Variants in WWC1 observed in about 807,000 individuals in gnomAD.
The protein encoded by WWC1 is WW and C2 domain containing 1.
WWC1 carries 55 observed loss-of-function variants against 138.4 expected under a neutral mutation model. The ratio of observed to expected loss-of-function variants is 0.40; its 90% confidence interval spans 0.32 to 0.50. The LOEUF (loss-of-function observed/expected upper bound fraction) is 0.50, where lower values mean the gene tolerates loss of function less well. Among genes scored for constraint, WWC1 ranks in the 20% least tolerant of loss-of-function variants. WWC1 has a pLI of 0.72. For synonymous variants in WWC1, 524 were observed against 564.9 expected (o/e 0.93, Z 1.03); for missense variants, 1,226 against 1,420.4 (o/e 0.86, Z 2.20).
At chr5:168,319,162 C>G (rs1023884971) in intron 1 of WWC1, among the ~76,000 whole-genome samples, 5 of 152,082 alleles carry the variant, frequency 3.3e-5, no homozygotes, top group South Asian at 2.1e-4. Context: ...GCTCACGCCT[C>G]TAATCCCAGC....
intron 1 of WWC1, among the ~76,000 whole-genome samples, chr5:168,361,524 C>T (rs190102496): frequency 6.6e-6 from 1 of 152,278 alleles, no homozygotes; most frequent in East Asian, 1.9e-4. Context: ...AAAATGCTAT[C>T]AATACCTATT....
At chr5:168,383,177 A>G (rs1248410431) in intron 2 of WWC1, among the ~76,000 whole-genome samples, 1 of 143,050 alleles carries the variant, frequency 7.0e-6, no homozygotes. Context: ...ACTCCATCTC[A>G]AAAACAAAAA....
At chr5:168,369,048 G>T (rs1455081887) in intron 1 of WWC1, among the ~76,000 whole-genome samples, 1 of 152,208 alleles carries the variant, frequency 6.6e-6, no homozygotes, top group African/African-American at 2.4e-5. Flanking sequence ...CAGCTTTCAA[G>T]ATAATCTGGT....
intron 1 of WWC1, among the ~76,000 whole-genome samples, chr5:168,341,191 T>C (rs1225903117): frequency 6.6e-6 from 1 of 152,074 alleles, no homozygotes; most frequent in African/African-American, 2.4e-5. Context: ...TTCTGGCAGG[T>C]AGACCAATGG....
intron 2 of WWC1, among the ~76,000 whole-genome samples, chr5:168,374,183 G>A (rs1379873982): frequency 6.6e-6 from 1 of 152,150 alleles, no homozygotes; most frequent in African/African-American, 2.4e-5. Flanking sequence ...GCGATACATG[G>A]GAGTACAAAA....
At chr5:168,419,624 A>G (rs1343768172) in intron 9 of WWC1, among the ~76,000 whole-genome samples, 1 of 152,126 alleles carries the variant, frequency 6.6e-6, no homozygotes, top group East Asian at 1.9e-4. Flanking sequence ...TTCAATAAGC[A>G]CTCTCCGCTT....
chr5:168,448,481 G>A (rs1053570699), intron 17 of WWC1, among the ~76,000 whole-genome samples: 6 of 152,012 alleles, frequency 3.9e-5, no homozygotes, highest in Non-Finnish European at 7.4e-5. Flanking sequence ...ACAATACTAT[G>A]GGGAAAAATC....
intron 1 of WWC1, among the ~76,000 whole-genome samples, chr5:168,326,216 C>CTTTTTTTTTTTTTTTTTTTT (rs796347858): frequency 4.4e-5 from 5 of 113,284 alleles, no homozygotes; most frequent in African/African-American, 1.7e-4. Flanking sequence ...ACCTGATAGT[C>CTTTTTTTTTTTTTTTTTTTT]TTTTTTTTTT....
At chr5:168,375,585 C>CT (rs926121653) in intron 2 of WWC1, among the ~76,000 whole-genome samples, 9 of 150,602 alleles carry the variant, frequency 6.0e-5, no homozygotes, top group Non-Finnish European at 1.3e-4. Flanking sequence ...TTCTTTTCTT[C>CT]TTTTTTTTTA....
At chr5:168,353,778 A>G (rs1182841099) in intron 1 of WWC1, among the ~76,000 whole-genome samples, 1 of 152,218 alleles carries the variant, frequency 6.6e-6, no homozygotes, top group African/African-American at 2.4e-5. Flanking sequence ...GTCAGGGCCC[A>G]AGCTACTTCC....
intron 1 of WWC1, among the ~76,000 whole-genome samples, chr5:168,347,825 T>C (rs1163074942): frequency 1.3e-5 from 2 of 152,168 alleles, no homozygotes; most frequent in African/African-American, 4.8e-5. Flanking sequence ...GTCCCCTGGG[T>C]ATACTGCAGT....
intron 16 of WWC1, among the ~76,000 whole-genome samples, chr5:168,443,281 T>A (rs897314776): frequency 6.6e-6 from 1 of 152,178 alleles, no homozygotes. Flanking sequence ...TTTCTTTGTC[T>A]CTTTCTCCTC....
chr5:168,463,629 T>C (rs1321171113), intron 20 of WWC1, among the ~76,000 whole-genome samples: 3 of 152,202 alleles, frequency 2.0e-5, no homozygotes, highest in Non-Finnish European at 4.4e-5. Flanking sequence ...CGTTAGTGAT[T>C]TTTGATGGGA....
chr5:168,336,571 CAAAAAAAA>C (rs57339649), intron 1 of WWC1, among the ~76,000 whole-genome samples: 3 of 58,020 alleles, frequency 5.2e-5, no homozygotes, highest in Admixed American at 4.2e-4. Flanking sequence ...GACTCTGTCT[CAAAAAAAA>C]AAAAAAAAAA....
intron 3 of WWC1, among the ~76,000 whole-genome samples, chr5:168,395,696 C>A (rs780946636): frequency 6.6e-6 from 1 of 152,168 alleles, no homozygotes; most frequent in South Asian, 2.1e-4. Context: ...CTGTTCCATG[C>A]TTGAGACAAA....
At chr5:168,431,470 CTGG>C in intron 15 of WWC1, 26 bp downstream of exon 15, 3 of 1,485,540 alleles carry the variant, frequency 2.0e-6, no homozygotes, top group East Asian at 4.7e-5. Context: ...GGCTGGCTGG[CTGG>C]CTGGCTGGCT....
At chr5:168,414,324 C>A in intron 8 of WWC1, 24 bp from the exon 9 acceptor site, 2 of 1,611,328 alleles carry the variant, frequency 1.2e-6, no homozygotes, top group South Asian at 1.1e-5. Context: ...GCACACCAGT[C>A]ATGCTTGCTT....
At chr5:168,392,547 T>C (rs59944075) in intron 3 of WWC1, among the ~76,000 whole-genome samples, 1 of 151,914 alleles carries the variant, frequency 6.6e-6, no homozygotes, top group Non-Finnish European at 1.5e-5. Context: ...AAGAAAATTA[T>C]CCGAGTGTGG....
intron 13 of WWC1, 91 bp downstream of exon 13, chr5:168,428,878 C>T (rs541955610): frequency 1.2e-5 from 17 of 1,393,904 alleles, no homozygotes; most frequent in Admixed American, 3.6e-5. Context: ...CCTTCACAGC[C>T]GCCCAGGGTG....
Sources: allele counts gnomAD v4.1 joint callset (sites outside exome capture counted in the v4.1 genomes callset), GRCh38; gene constraint gnomAD v4.1.1; transcripts MANE v1.5; gene names NCBI Gene and HGNC (gene_info 2026-07-23, HGNC 2026-07-21).